The following IFT70B variants were observed in gnomAD, a reference collection of about 807,000 sequenced individuals.
IFT70B encodes intraflagellar transport 70B.
chr2:177,552,586 C>A, the IFT70B span: 17 of 1,597,026 alleles, frequency 1.1e-5, no homozygotes, highest in Non-Finnish European at 1.4e-5. Context: ...AGCGCGAACT[C>A]CTGCAGGCGG....
the IFT70B span, chr2:177,552,711 A>G: frequency 1.3e-6 from 2 of 1,594,934 alleles, no homozygotes; most frequent in Non-Finnish European, 1.7e-6. Flanking sequence ...GAGGCGGTAC[A>G]CGACCGCGGT....
chr2:177,552,357 A>T, the IFT70B span: 1 of 1,613,936 alleles, frequency 6.2e-7, no homozygotes, highest in Non-Finnish European at 8.5e-7. Flanking sequence ...CAGCTGCTCT[A>T]CCAGGCTCCT....
At chr2:177,550,334 G>C in the IFT70B span, 1 of 153,536 alleles carries the variant, frequency 6.5e-6, no homozygotes, top group African/African-American at 2.4e-5. Flanking sequence ...TATATAAAAA[G>C]TATGCATTAC....
chr2:177,549,028 T>C, the IFT70B span: 2 of 152,158 alleles, frequency 1.3e-5, no homozygotes, highest in African/African-American at 4.8e-5. Flanking sequence ...AAAAAAGAAT[T>C]TTAATATGGC....
the IFT70B span, chr2:177,550,896 C>T: frequency 1.2e-6 from 2 of 1,614,066 alleles, no homozygotes; most frequent in Non-Finnish European, 1.7e-6. Flanking sequence ...TATGTTTCTG[C>T]CATGAAGTTC....
chr2:177,552,710 C>T, the IFT70B span: 1 of 1,595,656 alleles, frequency 6.3e-7, no homozygotes, highest in Admixed American at 1.7e-5. Flanking sequence ...TGAGGCGGTA[C>T]ACGACCGCGG....
Sources: gnomAD v4.1 joint callset for allele counts on GRCh38, gnomAD v4.1.1 for gene constraint, MANE v1.5 for transcripts, NCBI Gene and HGNC (gene_info 2026-07-23, HGNC 2026-07-21) for gene names.